The following CSMD1 variants were observed in gnomAD, a reference collection of about 807,000 sequenced individuals.
The protein encoded by CSMD1 is CUB and Sushi multiple domains 1.
A neutral mutation model predicts 417.5 loss-of-function variants in CSMD1; 213 were observed. The ratio of observed to expected loss-of-function variants is 0.51; its 90% confidence interval spans 0.46 to 0.57. CSMD1 has a LOEUF of 0.57. Ranked by LOEUF, CSMD1 falls within the 20% of genes least tolerant of loss-of-function variation. CSMD1 has a pLI of 0.00. For missense variants in CSMD1, 6,923 were observed against 4,529.7 expected, an observed-to-expected ratio of 1.53 and a Z score of -15.17; for synonymous variants, 2,862 against 1,736.8, an observed-to-expected ratio of 1.65 and a Z score of -16.11.
At chr8:3,484,825 T>C (rs188378173) in intron 11 of CSMD1, among the ~76,000 whole-genome samples, 2 of 152,304 alleles carry the variant, frequency 1.3e-5, no homozygotes, top group Admixed American at 6.5e-5. Context: ...TCTGACAAAA[T>C]GTTCAGTATC....
chr8:3,766,452 G>C (rs951185616), intron 5 of CSMD1, among the ~76,000 whole-genome samples: 1 of 152,106 alleles, frequency 6.6e-6, no homozygotes, highest in African/African-American at 2.4e-5. Context: ...TGTCTGTGAA[G>C]ACAGGCCTCT....
At chr8:3,344,428 C>G (rs1585029400) in intron 22 of CSMD1, among the ~76,000 whole-genome samples, 1 of 152,088 alleles carries the variant, frequency 6.6e-6, no homozygotes, top group African/African-American at 2.4e-5. Context: ...GCCTGCACTT[C>G]CTGCACACGT....
intron 7 of CSMD1, among the ~76,000 whole-genome samples, chr8:3,624,529 C>T (rs1796402352): frequency 6.6e-6 from 1 of 152,158 alleles, no homozygotes; most frequent in African/African-American, 2.4e-5. Flanking sequence ...CAAAGATGTA[C>T]AGATGTATTT....
At chr8:4,051,169 CA>C (rs1211959706) in intron 3 of CSMD1, among the ~76,000 whole-genome samples, 3 of 151,084 alleles carry the variant, frequency 2.0e-5, no homozygotes, top group African/African-American at 7.3e-5. Context: ...GCAGAAATGG[CA>C]GCACAATCCC....
intron 10 of CSMD1, among the ~76,000 whole-genome samples, chr8:3,562,365 C>CACACACACGT (rs1563156164): frequency 6.6e-6 from 1 of 152,002 alleles, no homozygotes; most frequent in Non-Finnish European, 1.5e-5. Flanking sequence ...ATGGGACACA[C>CACACACACGT]ACACACATGC....
chr8:4,604,752 G>A (rs1165399082), intron 2 of CSMD1, among the ~76,000 whole-genome samples: 2 of 152,122 alleles, frequency 1.3e-5, no homozygotes, highest in African/African-American at 4.8e-5. Context: ...AATATTGTTT[G>A]CAGTTAATTT....
At chr8:3,816,564 G>C (rs1367258462) in intron 5 of CSMD1, among the ~76,000 whole-genome samples, 1 of 152,086 alleles carries the variant, frequency 6.6e-6, no homozygotes, top group East Asian at 1.9e-4. Context: ...GAAGAAACAA[G>C]ACCTAGTATT....
At chr8:4,463,346 T>C (rs1341879031) in intron 2 of CSMD1, among the ~76,000 whole-genome samples, 8 of 152,170 alleles carry the variant, frequency 5.3e-5, no homozygotes, top group Admixed American at 3.9e-4. Flanking sequence ...GAATATAGAA[T>C]GGTGCGTCTA....
At chr8:4,479,358 A>G (rs1204267948) in intron 2 of CSMD1, among the ~76,000 whole-genome samples, 1 of 152,184 alleles carries the variant, frequency 6.6e-6, no homozygotes, top group African/African-American at 2.4e-5. Context: ...TTTACCACAT[A>G]TGTCCGGTTA....
intron 5 of CSMD1, among the ~76,000 whole-genome samples, chr8:3,937,727 G>A (rs1324840747): frequency 6.6e-6 from 1 of 152,052 alleles, no homozygotes; most frequent in Non-Finnish European, 1.5e-5. Flanking sequence ...TTCCACATTA[G>A]TACACCAGGT....
intron 3 of CSMD1, among the ~76,000 whole-genome samples, chr8:4,383,405 C>G (rs1803234064): frequency 1.3e-5 from 2 of 152,132 alleles, no homozygotes; most frequent in African/African-American, 4.8e-5. Context: ...TACTACATGC[C>G]TTGCCTCATT....
intron 5 of CSMD1, among the ~76,000 whole-genome samples, chr8:3,909,036 T>C (rs1359347465): frequency 6.6e-6 from 1 of 152,140 alleles, no homozygotes; most frequent in Non-Finnish European, 1.5e-5. Flanking sequence ...TTTCACATTG[T>C]GGGTGAAATG....
At chr8:4,608,359 G>A (rs1221140131) in intron 2 of CSMD1, among the ~76,000 whole-genome samples, 1 of 152,192 alleles carries the variant, frequency 6.6e-6, no homozygotes, top group Non-Finnish European at 1.5e-5. Flanking sequence ...GGTGGTGGCT[G>A]ACCGGAACAT....
chr8:3,723,190 C>G (rs750331530), intron 6 of CSMD1, among the ~76,000 whole-genome samples: 6 of 152,156 alleles, frequency 3.9e-5, no homozygotes, highest in Non-Finnish European at 8.8e-5. Flanking sequence ...ACTCGGGGCA[C>G]TCAGGGAAGC....
intron 2 of CSMD1, among the ~76,000 whole-genome samples, chr8:4,599,145 C>G (rs1800445863): frequency 6.6e-6 from 1 of 152,012 alleles, no homozygotes; most frequent in Non-Finnish European, 1.5e-5. Context: ...ATTAAAAAAT[C>G]CAACGTACTG....
intron 7 of CSMD1, among the ~76,000 whole-genome samples, chr8:3,621,165 GA>G (rs1263358124): frequency 6.6e-6 from 1 of 152,174 alleles, no homozygotes; most frequent in African/African-American, 2.4e-5. Flanking sequence ...CTACCCTCTA[GA>G]ATTGTGGTAA....
intron 5 of CSMD1, among the ~76,000 whole-genome samples, chr8:3,870,445 T>G (rs1805404682): frequency 6.6e-6 from 1 of 152,182 alleles, no homozygotes; most frequent in African/African-American, 2.4e-5. Flanking sequence ...CTTTACATGT[T>G]GGTGGGTATT....
rs561090640 is a variant in CSMD1, at chr8:4,828,647, G to A, written c.85+165685C>T. ...TCTTTAAAACTGAGAACGTTACTCG[G>A]CATGGGGTTGGCAATATACATTGAC... On this transcript the variant is annotated intron_variant, in intron 1 of 69. Coordinates refer to ENST00000635120, the MANE Select transcript of CSMD1 (RefSeq NM_033225.6). Among the ~76,000 whole-genome samples, 17 of 152,168 alleles carry A rather than the reference G, an allele frequency of 1.1e-4. No individual in the cohort carries two copies. In the South Asian group the frequency reaches 2.7e-3, roughly 24 times the overall value.
chr8:4,896,116 A>T (rs1804462899), intron 1 of CSMD1, among the ~76,000 whole-genome samples: 1 of 152,106 alleles, frequency 6.6e-6, no homozygotes, highest in African/African-American at 2.4e-5. Context: ...TTCTGAAATC[A>T]ATGCTACTTT....
Sources: allele counts gnomAD v4.1 joint callset (sites outside exome capture counted in the v4.1 genomes callset), GRCh38; gene constraint gnomAD v4.1.1; transcripts MANE v1.5; gene names NCBI Gene and HGNC (gene_info 2026-07-23, HGNC 2026-07-21).